Variants in RBKS observed in about 807,000 individuals in gnomAD.
RBKS encodes the protein ribokinase.
In RBKS, 33 loss-of-function variants were observed where a neutral mutation model predicts 33.9. The ratio of observed to expected loss-of-function variants is 0.97; its 90% CI spans 0.74 to 1.30. The LOEUF (loss-of-function observed/expected upper bound fraction) is 1.30. Among genes scored for constraint, RBKS ranks in the 50% most tolerant of loss-of-function variants. RBKS has a pLI of 0.00. For synonymous variants in RBKS, 125 were observed against 143.0 expected (o/e 0.87, Z 0.90); for missense variants, 361 against 392.6 (o/e 0.92, Z 0.68).
chr2:27,868,186 TAGAA>T (rs1344018284), intron 1 of RBKS, among the ~76,000 whole-genome samples: 2 of 152,230 alleles, frequency 1.3e-5, no homozygotes, highest in Middle Eastern at 6.3e-3. Flanking sequence ...AAAATATAAT[TAGAA>T]GGATAAATCA....
intron 5 of RBKS, among the ~76,000 whole-genome samples, chr2:27,838,867 C>A (rs1663387111): frequency 6.6e-6 from 1 of 152,148 alleles, no homozygotes; most frequent in Non-Finnish European, 1.5e-5. Flanking sequence ...GTTATCTTAA[C>A]TGCATGTTAA....
chr2:27,787,204 G>A (rs1349199183), intron 7 of RBKS, among the ~76,000 whole-genome samples: 1 of 152,102 alleles, frequency 6.6e-6, no homozygotes, highest in African/African-American at 2.4e-5. Context: ...GGCGGCTCAC[G>A]TCTGTAATCC....
At chr2:27,873,487 T>G (rs1044916054) in intron 1 of RBKS, among the ~76,000 whole-genome samples, 1 of 152,242 alleles carries the variant, frequency 6.6e-6, no homozygotes, top group Non-Finnish European at 1.5e-5. Context: ...CTTATGATTT[T>G]CATTGAGACA....
At chr2:27,816,799 A>G (rs1421839856) in intron 7 of RBKS, among the ~76,000 whole-genome samples, 2 of 151,996 alleles carry the variant, frequency 1.3e-5, no homozygotes, top group South Asian at 2.1e-4. Flanking sequence ...GGGTTTCACT[A>G]TGTTAGCCAG....
chr2:27,826,666 A>G (rs1053244362), intron 7 of RBKS, among the ~76,000 whole-genome samples: 11 of 152,186 alleles, frequency 7.2e-5, no homozygotes, highest in African/African-American at 2.4e-4. Flanking sequence ...TCAGCCTCCC[A>G]AAGTGCTGGG....
intron 1 of RBKS, among the ~76,000 whole-genome samples, chr2:27,869,135 T>C (rs968869907): frequency 6.6e-6 from 1 of 152,200 alleles, no homozygotes; most frequent in African/African-American, 2.4e-5. Flanking sequence ...CTCCAAAACT[T>C]ACAAAATATT....
chr2:27,865,708 C>G (rs1209932812), intron 1 of RBKS, among the ~76,000 whole-genome samples: 3 of 151,624 alleles, frequency 2.0e-5, no homozygotes, highest in African/African-American at 7.3e-5. Flanking sequence ...GTCACCATGC[C>G]TGGCTGATTT....
chr2:27,822,074 AAAG>A (rs1034882883), intron 7 of RBKS, among the ~76,000 whole-genome samples: 4 of 152,180 alleles, frequency 2.6e-5, no homozygotes, highest in African/African-American at 7.2e-5. Context: ...TGTTGATCAG[AAAG>A]AAGGAGATGA....
rs758393950 is a variant in RBKS at position 27,890,043 on chromosome 2, C to T, written c.89+214G>A. The T allele has an allele frequency of 1.4e-4, 74 of 525,610 alleles. No individual in the cohort carries two copies. The highest frequency in any genetic ancestry group is 2.2e-4 in the Non-Finnish European group (65 of 293,606). 32.6% of individuals were successfully genotyped at this position (525,610 alleles called of 1,614,324 possible). A position where few individuals can be genotyped will look rare whatever the true frequency, so the allele number is the denominator to read the frequency against. On this transcript the variant is annotated intron_variant, in intron 1 of 7. Transcript: ENST00000302188. The surrounding 1 kb of genome is among the most constrained non-coding windows in gnomAD (Gnocchi z 4.8). Reference sequence around the variant, plus strand: ...TATTAGAGCTTTCACTAAACCCTGGCCTATTACGTCCCCTCCCCTGAGATT... The same window carrying T: ...TATTAGAGCTTTCACTAAACCCTGGTCTATTACGTCCCCTCCCCTGAGATT...
At chr2:27,871,992 T>C (rs1664221499) in intron 1 of RBKS, among the ~76,000 whole-genome samples, 1 of 152,190 alleles carries the variant, frequency 6.6e-6, no homozygotes, top group African/African-American at 2.4e-5. Context: ...CAGTTCACGA[T>C]AGGGTTCACG....
At chr2:27,885,366 T>G (rs1664507945) in intron 1 of RBKS, among the ~76,000 whole-genome samples, 1 of 152,224 alleles carries the variant, frequency 6.6e-6, no homozygotes, top group Admixed American at 6.5e-5. Context: ...AGAGATCCTA[T>G]TATAATCAAA....
chr2:27,804,859 T>C (rs1453361382), intron 7 of RBKS, among the ~76,000 whole-genome samples: 1 of 152,080 alleles, frequency 6.6e-6, no homozygotes, highest in Non-Finnish European at 1.5e-5. Context: ...ACCTCGTCTC[T>C]ACAAAAAAAT....
At chr2:27,855,158 G>A (rs948822116) in intron 2 of RBKS, among the ~76,000 whole-genome samples, 2 of 151,884 alleles carry the variant, frequency 1.3e-5, no homozygotes, top group Non-Finnish European at 2.9e-5. Flanking sequence ...AGGGCAGCCT[G>A]CATCAGTATC....
At chr2:27,861,665 G>C (rs183388360) in intron 1 of RBKS, 16 of 426,294 alleles carry the variant, frequency 3.8e-5, no homozygotes, top group South Asian at 2.3e-4. Context: ...TTTCTTTTTG[G>C]GGGGGGGGTG....
intron 7 of RBKS, among the ~76,000 whole-genome samples, chr2:27,807,975 C>T (rs573724552): frequency 3.3e-5 from 5 of 152,316 alleles, no homozygotes; most frequent in East Asian, 1.9e-4. Context: ...ACATTAAACT[C>T]TCCCTGTACT....
At chr2:27,823,484 GAGA>G (rs1376396648) in intron 7 of RBKS, among the ~76,000 whole-genome samples, 1 of 152,114 alleles carries the variant, frequency 6.6e-6, no homozygotes, top group Non-Finnish European at 1.5e-5. Context: ...AGAGAAAAGC[GAGA>G]AGGTTACAAA....
intron 5 of RBKS, among the ~76,000 whole-genome samples, chr2:27,841,084 C>G (rs781528380): frequency 5.9e-5 from 9 of 152,136 alleles, no homozygotes; most frequent in Non-Finnish European, 1.3e-4. Flanking sequence ...TACCCCGCTT[C>G]CTGCTGTCCT....
intron 5 of RBKS, among the ~76,000 whole-genome samples, chr2:27,841,355 T>C (rs1663501070): frequency 6.6e-6 from 1 of 152,142 alleles, no homozygotes; most frequent in Non-Finnish European, 1.5e-5. Context: ...AAAGAGAAGT[T>C]ACACGAGAAT....
intron 7 of RBKS, among the ~76,000 whole-genome samples, chr2:27,807,600 G>C (rs913963547): frequency 6.6e-6 from 1 of 152,074 alleles, no homozygotes; most frequent in African/African-American, 2.4e-5. Context: ...AGCAACTCCT[G>C]GGCTCAAGCG....
Sources: allele counts gnomAD v4.1 joint callset (sites outside exome capture counted in the v4.1 genomes callset), GRCh38; gene constraint gnomAD v4.1.1; non-coding constraint Gnocchi (gnomAD v3.1); transcripts MANE v1.5; gene names NCBI Gene and HGNC (gene_info 2026-07-23, HGNC 2026-07-21).